ATRNL1: variants seen among roughly 807,000 people sequenced by gnomAD.
ATRNL1 encodes attractin-like protein 1.
In ATRNL1, 95 loss-of-function variants were observed where a neutral mutation model predicts 182.7. The observed-to-expected ratio is 0.52, with a 90% confidence interval of 0.44 to 0.62. The LOEUF (loss-of-function observed/expected upper bound fraction) is 0.62, where lower values mean the gene tolerates loss of function less well. Ranked by LOEUF, ATRNL1 falls within the 20% of genes least tolerant of loss-of-function variation. The pLI is 0.00. For missense variants in ATRNL1, 1,471 were observed against 1,679.5 expected (o/e 0.88, Z 2.17); for synonymous variants, 576 against 568.3 (o/e 1.01, Z -0.19).
At chr10:115,900,192 T>C (rs1555113330) in intron 28 of ATRNL1, among the ~76,000 whole-genome samples, 1 of 152,204 alleles carries the variant, frequency 6.6e-6, no homozygotes, top group African/African-American at 2.4e-5. Flanking sequence ...AAACTGGTTG[T>C]CCATATTTTT....
At chr10:115,383,973 T>C (rs528019677) in intron 19 of ATRNL1, among the ~76,000 whole-genome samples, 19 of 152,076 alleles carry the variant, frequency 1.2e-4, no homozygotes, top group African/African-American at 4.3e-4. Flanking sequence ...AAGGAAAATA[T>C]CAAAAAGTAA....
At chr10:115,255,996 C>G (rs149595558) in intron 10 of ATRNL1, among the ~76,000 whole-genome samples, 1 of 152,126 alleles carries the variant, frequency 6.6e-6, no homozygotes, top group Non-Finnish European at 1.5e-5. Context: ...CTGACTTGAT[C>G]GTGGTGGATA....
At chr10:115,258,559 C>A (rs1194416202) in intron 10 of ATRNL1, among the ~76,000 whole-genome samples, 1 of 152,122 alleles carries the variant, frequency 6.6e-6, no homozygotes, top group African/African-American at 2.4e-5. Context: ...TGGGTTCGAA[C>A]ATCCTCCTTT....
At chr10:115,513,306 C>T (rs1461351025) in intron 24 of ATRNL1, among the ~76,000 whole-genome samples, 2 of 151,968 alleles carry the variant, frequency 1.3e-5, no homozygotes, top group African/African-American at 4.8e-5. Flanking sequence ...GATCTCAGCA[C>T]TTCTGCATAT....
At chr10:115,635,315 T>C (rs1343536052) in intron 26 of ATRNL1, among the ~76,000 whole-genome samples, 1 of 145,472 alleles carries the variant, frequency 6.9e-6, no homozygotes. Context: ...GTGGGAAAAG[T>C]GGTAAAAAAA....
chr10:115,181,415 GC>G (rs1488994138), intron 8 of ATRNL1, among the ~76,000 whole-genome samples: 1 of 151,640 alleles, frequency 6.6e-6, no homozygotes. Flanking sequence ...CTAACTATTT[GC>G]GAAGACTATT....
At chr10:115,742,332 T>G (rs1180190013) in intron 27 of ATRNL1, among the ~76,000 whole-genome samples, 1 of 152,058 alleles carries the variant, frequency 6.6e-6, no homozygotes, top group Non-Finnish European at 1.5e-5. Context: ...CAAGTAGAAG[T>G]ATTAATTTTA....
At chr10:115,159,321 A>G (rs371723836) in intron 5 of ATRNL1, among the ~76,000 whole-genome samples, 2 of 151,534 alleles carry the variant, frequency 1.3e-5, no homozygotes, top group African/African-American at 2.4e-5. Flanking sequence ...AATTCCTTCT[A>G]TTATGTTTGA....
At chr10:115,932,147 A>T (rs1953416094) in intron 28 of ATRNL1, among the ~76,000 whole-genome samples, 1 of 152,184 alleles carries the variant, frequency 6.6e-6, no homozygotes, top group South Asian at 2.1e-4. Context: ...CAAAAGGGCC[A>T]GCATTTATGG....
intron 8 of ATRNL1, among the ~76,000 whole-genome samples, chr10:115,196,553 A>G (rs111955181): frequency 6.8e-6 from 1 of 146,188 alleles, no homozygotes. Flanking sequence ...CTTGTAATGC[A>G]TGGACATGGT....
intron 26 of ATRNL1, among the ~76,000 whole-genome samples, chr10:115,676,498 G>C (rs1555043068): frequency 6.6e-6 from 1 of 151,800 alleles, no homozygotes; most frequent in Non-Finnish European, 1.5e-5. Flanking sequence ...AAAAATAGCA[G>C]ATTAGTTATA....
chr10:115,892,449 G>C (rs1442000583), intron 28 of ATRNL1, among the ~76,000 whole-genome samples: 3 of 151,996 alleles, frequency 2.0e-5, no homozygotes, highest in African/African-American at 7.2e-5. Flanking sequence ...AATATATATA[G>C]TTACTCTTAA....
chr10:115,328,336 A>T (rs959839441), intron 18 of ATRNL1, among the ~76,000 whole-genome samples: 1 of 152,126 alleles, frequency 6.6e-6, no homozygotes, highest in Non-Finnish European at 1.5e-5. Flanking sequence ...ACACGGTTCA[A>T]TGCGATGTTT....
chr10:115,826,029 T>C (rs1340386918), intron 27 of ATRNL1, among the ~76,000 whole-genome samples: 1 of 152,202 alleles, frequency 6.6e-6, no homozygotes, highest in Non-Finnish European at 1.5e-5. Flanking sequence ...CTTTTGGTCA[T>C]TTAGTGTCAT....
intron 28 of ATRNL1, among the ~76,000 whole-genome samples, chr10:115,891,556 T>A (rs1952079601): frequency 6.6e-6 from 1 of 152,214 alleles, no homozygotes; most frequent in African/African-American, 2.4e-5. Context: ...GGTGGAATGA[T>A]GATCGTGAAT....
At chr10:115,533,251 A>T (rs1487535615) in intron 25 of ATRNL1, among the ~76,000 whole-genome samples, 40 of 151,798 alleles carry the variant, frequency 2.6e-4, no homozygotes, top group African/African-American at 9.7e-4. Context: ...TTTGGTTGGT[A>T]AGCTATTGAT....
At chr10:115,623,099 G>C (rs897008917) in intron 26 of ATRNL1, among the ~76,000 whole-genome samples, 1 of 151,916 alleles carries the variant, frequency 6.6e-6, no homozygotes, top group African/African-American at 2.4e-5. Flanking sequence ...GTAAATGATA[G>C]GTCAAGCATA....
chr10:115,384,740 A>G (rs1387490897), intron 19 of ATRNL1, among the ~76,000 whole-genome samples: 14 of 152,038 alleles, frequency 9.2e-5, no homozygotes, highest in Admixed American at 9.2e-4. Flanking sequence ...CTCATGGGCT[A>G]TAGTTTGATG....
chr10:115,663,268 G>A (rs1305691392), intron 26 of ATRNL1, among the ~76,000 whole-genome samples: 3 of 151,996 alleles, frequency 2.0e-5, no homozygotes, highest in Non-Finnish European at 4.4e-5. Context: ...GCAAAACATG[G>A]ATTCAAATTT....
Sources: gnomAD v4.1 joint callset for allele counts (sites outside exome capture counted in the v4.1 genomes callset) on GRCh38, gnomAD v4.1.1 for gene constraint, MANE v1.5 for transcripts, NCBI Gene and HGNC (gene_info 2026-07-23, HGNC 2026-07-21) for gene names.